HSF5: variants seen among roughly 807,000 people sequenced by gnomAD.
HSF5 encodes heat shock factor protein 5.
Under a neutral mutation model 50.8 loss-of-function variants are expected in HSF5, and 5 were observed. That is an observed-to-expected ratio of 0.10 (90% CI 0.05 to 0.21). The LOEUF is 0.21. HSF5 is among the 10% of genes least tolerant of loss of function. The pLI is 1.00. For synonymous variants in HSF5, 307 were observed against 307.4 expected, an observed-to-expected ratio of 1.00 and a Z score of 0.02; for missense variants, 564 against 762.6, an observed-to-expected ratio of 0.74 and a Z score of 3.07.
chr17:58,476,250 A>T (rs1210477801), intron 2 of HSF5: 2 of 926,158 alleles, frequency 2.2e-6, no homozygotes, highest in African/African-American at 1.6e-5. Flanking sequence ...CATCATCATC[A>T]TCTTCTTCTC....
Position 58,479,601 on chromosome 17 carries a change from C to T in HSF5, c.925+292G>A, listed in dbSNP as rs9911431. ...TACAGGTGTGGGCCACCACATCTGG[C>T]CTTGGGGTACTAAGTCTTAATTTCA... On this transcript the variant is annotated intron_variant, in intron 2 of 5. Transcript: ENST00000323777. Among the ~76,000 whole-genome samples, 1,384 of 152,058 alleles carry T rather than the reference C, an allele frequency of 9.1e-3. 24 individuals are homozygous for T. The highest frequency in any genetic ancestry group is 0.03 in the African/African-American group (1,254 of 41,464).
chr17:58,453,576 C>T (rs143803879), intron 5 of HSF5, among the ~76,000 whole-genome samples: 271 of 151,604 alleles, frequency 1.8e-3, no homozygotes, highest in African/African-American at 6.2e-3. Flanking sequence ...GCCTGGGCGA[C>T]AGAGTGAGCA....
chr17:58,432,654 C>T (rs893798117), intron 5 of HSF5, among the ~76,000 whole-genome samples: 11 of 151,998 alleles, frequency 7.2e-5, no homozygotes, highest in Non-Finnish European at 1.3e-4. Flanking sequence ...ATCTTGAAGA[C>T]CACAGTAAGG....
chr17:58,485,330 G>T (rs188815999), intron 1 of HSF5, among the ~76,000 whole-genome samples: 1 of 152,240 alleles, frequency 6.6e-6, no homozygotes, highest in African/African-American at 2.4e-5. Flanking sequence ...GGTGAAGAAT[G>T]AATGAATGAT....
At chr17:58,454,242 A>G (rs1020404308) in intron 5 of HSF5, among the ~76,000 whole-genome samples, 14 of 151,990 alleles carry the variant, frequency 9.2e-5, no homozygotes, top group Non-Finnish European at 2.1e-4. Flanking sequence ...ACAAAACAAA[A>G]CAAAAAATAA....
chr17:58,461,213 CACAACAACAACAACAACAACA>C (rs36215581), intron 4 of HSF5, among the ~76,000 whole-genome samples: 81 of 146,854 alleles, frequency 5.5e-4, no homozygotes, highest in African/African-American at 9.4e-4. Context: ...GATTCCATCT[CACAACAACAACAACAACAACA>C]ACAACAACAA....
chr17:58,452,344 A>G (rs1282049759), intron 5 of HSF5, among the ~76,000 whole-genome samples: 1 of 152,208 alleles, frequency 6.6e-6, no homozygotes. Context: ...CTAACACCAG[A>G]GAAGTACAAA....
Position 58,422,262 on chromosome 17 carries a change from C to T in HSF5, c.*98G>A. The T allele has an allele frequency of 1.1e-6, 1 of 869,598 alleles. No individual in the cohort carries two copies. The highest frequency in any genetic ancestry group is 1.8e-6 in the Non-Finnish European group (1 of 547,932). The allele number at this position is 869,598 out of a possible 1,614,324, so 53.9% of individuals were successfully genotyped here. The stretch of plus-strand genomic sequence containing the variant: ...ACGAAACAAAAAATACTTTTTTTTC[C>T]TTAACAGAACTGAAAAAATCCCAAC... On this transcript the variant is annotated 3_prime_UTR_variant, in exon 6 of 6. Coordinates refer to ENST00000323777, the MANE Select transcript of HSF5 (RefSeq NM_001080439.3).
chr17:58,451,909 GA>G (rs1974646365), intron 5 of HSF5, among the ~76,000 whole-genome samples: 1 of 135,490 alleles, frequency 7.4e-6, no homozygotes, highest in African/African-American at 2.8e-5. Context: ...CTGTTTTTTT[GA>G]AAAGGTAAGC....
At position 58,435,767 on chromosome 17, in the gene HSF5, C is replaced by T. The variant is rs903693613; in HGVS notation, c.1721-13337G>A. ...ACAAAAAATTAGCCGGGCATGGTGG[C>T]GGGCGCCTGTAGTCCCAGCTACTCG... On this transcript the variant is annotated intron_variant, in intron 5 of 5. Coordinates refer to ENST00000323777, the MANE Select transcript of HSF5 (RefSeq NM_001080439.3). Among the ~76,000 whole-genome samples, 31 of 151,614 alleles carry T rather than the reference C, an allele frequency of 2.0e-4. 1 individual carries two copies. Among genetic ancestry groups the T allele is most frequent in the African/African-American group, 5.8e-4 (24 of 41,362 alleles).
intron 5 of HSF5, among the ~76,000 whole-genome samples, chr17:58,438,037 G>T (rs1270732713): frequency 1.3e-5 from 2 of 151,574 alleles, no homozygotes; most frequent in Non-Finnish European, 2.9e-5. Flanking sequence ...CATAGAGAAG[G>T]TTCCTTTTCT....
chr17:58,449,789 C>T (rs1266470649), intron 5 of HSF5, among the ~76,000 whole-genome samples: 3 of 151,366 alleles, frequency 2.0e-5, no homozygotes, highest in African/African-American at 7.3e-5. Flanking sequence ...TTTGGGAGGC[C>T]GAGGCGGGCG....
intron 5 of HSF5, among the ~76,000 whole-genome samples, chr17:58,435,402 A>G (rs889112973): frequency 6.6e-6 from 1 of 151,950 alleles, no homozygotes; most frequent in Non-Finnish European, 1.5e-5. Context: ...TACAAAAATC[A>G]GTTGTGTGGT....
intron 4 of HSF5, 144 bp downstream of exon 4, chr17:58,462,638 C>T (rs1974808538): frequency 1.4e-6 from 1 of 729,714 alleles, no homozygotes; most frequent in Non-Finnish European, 2.2e-6. Context: ...TGTGCAGAAC[C>T]ACTGGGACAT....
In HSF5 at chr17:58,440,492, TC is replaced by T. The variant is rs554626601; in HGVS notation, c.1721-18063del. On this transcript the variant is annotated intron_variant, in intron 5 of 5. Coordinates refer to ENST00000323777, the MANE Select transcript of HSF5 (RefSeq NM_001080439.3). ...CAAATCTTATTTGAGGAAGATAATG[TC>T]ATCCTAGGCCTTAAATTATTTTTAC... Among the ~76,000 whole-genome samples, 483 of 152,284 alleles carry T rather than the reference TC, an allele frequency of 3.2e-3. 1 individual carries two copies. Among genetic ancestry groups the T allele is most frequent in the Non-Finnish European group, 4.5e-3 (306 of 68,026 alleles).
rs1482931403 is a variant in HSF5 at position 58,458,143 on chromosome 17, T to A, written c.1720+625A>T. Reference sequence around the variant, plus strand: ...TCCACTGCAGACTTTGGTAACTTGATTTTTGGATGATATGAGACACATGTT... The same window carrying A: ...TCCACTGCAGACTTTGGTAACTTGAATTTTGGATGATATGAGACACATGTT... On this transcript the variant is annotated intron_variant, in intron 5 of 5. Coordinates refer to ENST00000323777, the MANE Select transcript of HSF5 (RefSeq NM_001080439.3). Among the ~76,000 whole-genome samples, 2 of 152,216 alleles carry A rather than the reference T, an allele frequency of 1.3e-5. 1 individual carries two copies. Among genetic ancestry groups the A allele is most frequent in the Non-Finnish European group, 2.9e-5 (2 of 68,038 alleles).
In HSF5 at chr17:58,474,524, T is replaced by C. The variant is rs73317789; in HGVS notation, c.925+5369A>G. Among the ~76,000 whole-genome samples the C allele has an allele frequency of 9.6e-3, 1,458 of 152,278 alleles. 26 individuals carry two copies. The highest frequency in any genetic ancestry group is 0.033 in the African/African-American group (1,360 of 41,554). Reference sequence around the variant, plus strand: ...TCTTTTTTTAATGCCTCCTTCCTAATTCTTACCTTAAACACTTGGAGACAA... The same window carrying C: ...TCTTTTTTTAATGCCTCCTTCCTAACTCTTACCTTAAACACTTGGAGACAA... On this transcript the variant is annotated intron_variant, in intron 2 of 5. Transcript: ENST00000323777.
rs1409145434 is a variant in HSF5 at position 58,486,901 on chromosome 17, TC to T, written c.550+823del. On this transcript the variant is annotated intron_variant, in intron 1 of 5. Transcript: ENST00000323777. ...TGCTATTGTAATGTTCTAAGTTCTCTCTTTTTTTTTTTTTTTTTTTTTTTGA... is the reference window on the plus strand; with the variant it reads ...TGCTATTGTAATGTTCTAAGTTCTCTTTTTTTTTTTTTTTTTTTTTTTTGA... Among the ~76,000 whole-genome samples the T allele has an allele frequency of 2.6e-4, 33 of 124,676 alleles. No individual in the cohort carries two copies. The South Asian group carries it at 8.7e-3, about 33-fold the overall frequency. The allele number at this position is 124,676 out of a possible 152,430, so 81.8% of individuals were successfully genotyped here. A position where few individuals can be genotyped will look rare whatever the true frequency, so the allele number is the denominator to read the frequency against.
intron 5 of HSF5, among the ~76,000 whole-genome samples, chr17:58,423,235 T>C (rs1974249029): frequency 6.6e-6 from 1 of 152,168 alleles, no homozygotes; most frequent in South Asian, 2.1e-4. Context: ...GCTGAATTCT[T>C]GTAAAAACAC....
Sources: gnomAD v4.1 joint callset for allele counts (sites outside exome capture counted in the v4.1 genomes callset) on GRCh38, gnomAD v4.1.1 for gene constraint, MANE v1.5 for transcripts, NCBI Gene and HGNC (gene_info 2026-07-23, HGNC 2026-07-21) for gene names.